Variants in SLC24A2 observed in about 807,000 individuals in gnomAD.
The protein encoded by SLC24A2 is sodium/potassium/calcium exchanger 2.
Under a neutral mutation model 62.0 loss-of-function variants are expected in SLC24A2, and 36 were observed. The ratio of observed to expected loss-of-function variants is 0.58; its 90% CI spans 0.44 to 0.77. The LOEUF is 0.77. Among genes scored for constraint, SLC24A2 ranks in the 30% least tolerant of loss-of-function variants. The probability of loss-of-function intolerance (pLI) is 0.00; values close to 1 mark genes in which losing one functional copy is unlikely to be tolerated. For synonymous variants in SLC24A2, 358 were observed against 294.0 expected, an observed-to-expected ratio of 1.22 and a Z score of -2.23; for missense variants, 846 against 817.9, an observed-to-expected ratio of 1.03 and a Z score of -0.42.
chr9:19,779,023 A>G (rs1359825), intron 2 of SLC24A2, among the ~76,000 whole-genome samples: 2 of 152,096 alleles, frequency 1.3e-5, no homozygotes, highest in Non-Finnish European at 2.9e-5. Flanking sequence ...TAGAAAGTCA[A>G]TAGATGCGCT....
At chr9:19,691,540 TGCGA>T (rs1820046697) in intron 2 of SLC24A2, among the ~76,000 whole-genome samples, 1 of 152,178 alleles carries the variant, frequency 6.6e-6, no homozygotes. Context: ...GTTCTATCTC[TGCGA>T]TTATTAACCT....
the SLC24A2 span, among the ~76,000 whole-genome samples, chr9:19,959,102 T>C: frequency 2.0e-5 from 3 of 152,064 alleles, no homozygotes; most frequent in Non-Finnish European, 4.4e-5. Context: ...TCACTGTAAA[T>C]GTGTACAGGA....
chr9:19,730,652 T>A (rs1821308174), intron 2 of SLC24A2, among the ~76,000 whole-genome samples: 1 of 152,316 alleles, frequency 6.6e-6, no homozygotes, highest in East Asian at 1.9e-4. Flanking sequence ...CATTGTTTTA[T>A]TGCTTAGAAT....
chr9:19,596,346 T>A (rs985423746), intron 5 of SLC24A2, among the ~76,000 whole-genome samples: 1 of 152,198 alleles, frequency 6.6e-6, no homozygotes, highest in Non-Finnish European at 1.5e-5. Flanking sequence ...TCAGTATCCA[T>A]GTAAAAGTCA....
At chr9:19,818,769 T>G in the SLC24A2 span, among the ~76,000 whole-genome samples, 1 of 152,126 alleles carries the variant, frequency 6.6e-6, no homozygotes, top group Admixed American at 6.6e-5. Context: ...ATGACCATAC[T>G]GCCAAAAACA....
At chr9:19,948,864 AAAT>A in the SLC24A2 span, among the ~76,000 whole-genome samples, 929 of 145,808 alleles carry the variant, frequency 6.4e-3, 19 homozygotes, top group African/African-American at 0.013. Context: ...AAAAAAAAAA[AAAT>A]GAAAACAGAG....
Position 19,507,495 on chromosome 9 carries a change from T to C in SLC24A2, c.*8658A>G, listed in dbSNP as rs545475742. 6.6e-6 allele frequency: 1 copy of C among 152,298 alleles called. No homozygotes were observed. Among genetic ancestry groups the C allele is most frequent in the South Asian group, 2.1e-4 (1 of 4,828 alleles). The allele number at this position is 152,298 out of a possible 1,614,324, so 9.4% of individuals were successfully genotyped here. A position where few individuals can be genotyped will look rare whatever the true frequency, so the allele number is the denominator to read the frequency against. On this transcript the variant is annotated 3_prime_UTR_variant, in exon 11 of 11. Coordinates refer to ENST00000341998, the MANE Select transcript of SLC24A2 (RefSeq NM_020344.4). ...ATTTTATTACTATTATTTTTCACAC[T>C]GAGGAGACTTAGTTACATAAAGTGA...
chr9:19,849,085 G>A, the SLC24A2 span, among the ~76,000 whole-genome samples: 1 of 152,184 alleles, frequency 6.6e-6, no homozygotes, highest in Non-Finnish European at 1.5e-5. Context: ...CAGGGCTGGG[G>A]GCACTGAGTG....
chr9:20,108,718 G>A, the SLC24A2 span, among the ~76,000 whole-genome samples: 2 of 137,970 alleles, frequency 1.4e-5, no homozygotes, highest in South Asian at 5.5e-4. Context: ...GGAGGGGGGA[G>A]GGATAGCATT....
chr9:19,664,644 T>A (rs1406028591), intron 2 of SLC24A2, among the ~76,000 whole-genome samples: 3 of 152,166 alleles, frequency 2.0e-5, no homozygotes, highest in African/African-American at 7.2e-5. Context: ...GAAGTTGAGA[T>A]GAGGTCATAC....
intron 7 of SLC24A2, among the ~76,000 whole-genome samples, chr9:19,568,957 T>C (rs1467219792): frequency 6.6e-6 from 1 of 152,192 alleles, no homozygotes; most frequent in Non-Finnish European, 1.5e-5. Flanking sequence ...CCCCTTTCTT[T>C]CCGTGTACAA....
At chr9:20,166,551 G>C in the SLC24A2 span, among the ~76,000 whole-genome samples, 4,648 of 151,984 alleles carry the variant, frequency 0.031, 224 homozygotes, top group African/African-American at 0.1. Context: ...ACAATGTACA[G>C]GAGTATATAT....
chr9:20,258,856 ATG>A, the SLC24A2 span, among the ~76,000 whole-genome samples: 17 of 98,294 alleles, frequency 1.7e-4, no homozygotes, highest in African/African-American at 2.3e-4. Flanking sequence ...TATCTATCTA[ATG>A]TCTATCTATC....
At chr9:19,887,946 A>T in the SLC24A2 span, among the ~76,000 whole-genome samples, 1 of 152,174 alleles carries the variant, frequency 6.6e-6, no homozygotes, top group African/African-American at 2.4e-5. Flanking sequence ...AGTGGGAGCT[A>T]AGGTATGAGG....
At chr9:20,094,796 G>C in the SLC24A2 span, among the ~76,000 whole-genome samples, 327 of 152,252 alleles carry the variant, frequency 2.1e-3, 2 homozygotes, top group African/African-American at 7.5e-3. Context: ...CAAATGACCA[G>C]TGTATGATGT....
chr9:19,558,963 A>G (rs1835254151), intron 7 of SLC24A2, among the ~76,000 whole-genome samples: 1 of 152,200 alleles, frequency 6.6e-6, no homozygotes, highest in Non-Finnish European at 1.5e-5. Flanking sequence ...GAAGGGATCG[A>G]GAGACAAAGA....
At chr9:19,973,043 A>G in the SLC24A2 span, among the ~76,000 whole-genome samples, 8 of 152,340 alleles carry the variant, frequency 5.3e-5, no homozygotes, top group East Asian at 1.5e-3. Flanking sequence ...TAGGACTTTA[A>G]AAACCAAAGG....
chr9:19,883,634 C>T, the SLC24A2 span, among the ~76,000 whole-genome samples: 1 of 150,936 alleles, frequency 6.6e-6, no homozygotes, highest in African/African-American at 2.4e-5. Context: ...GGTGCTATCT[C>T]GGCTCACTGC....
the SLC24A2 span, among the ~76,000 whole-genome samples, chr9:19,987,799 C>T: frequency 4.6e-5 from 7 of 152,246 alleles, no homozygotes; most frequent in East Asian, 7.7e-4. Flanking sequence ...CCAGTTATCA[C>T]GCTTCCCCAA....
Sources: allele counts gnomAD v4.1 joint callset (sites outside exome capture counted in the v4.1 genomes callset), GRCh38; gene constraint gnomAD v4.1.1; transcripts MANE v1.5; gene names NCBI Gene and HGNC (gene_info 2026-07-23, HGNC 2026-07-21).